Variants in GRHL1 observed in about 807,000 individuals in gnomAD.
GRHL1 encodes the protein grainyhead like transcription factor 1.
GRHL1 carries 38 observed loss-of-function variants against 75.7 expected under a neutral mutation model. The ratio of observed to expected loss-of-function variants is 0.50; its 90% CI spans 0.39 to 0.66. The LOEUF (loss-of-function observed/expected upper bound fraction) is 0.66, where lower values mean the gene tolerates loss of function less well. GRHL1 is among the 30% of genes least tolerant of loss of function. GRHL1 has a pLI of 0.00. For synonymous variants in GRHL1, 266 were observed against 279.4 expected (o/e 0.95, Z 0.48); for missense variants, 589 against 767.5 (o/e 0.77, Z 2.75).
At chr2:9,983,947 G>T (rs1377517993) in intron 8 of GRHL1, among the ~76,000 whole-genome samples, 1 of 151,930 alleles carries the variant, frequency 6.6e-6, no homozygotes, top group Admixed American at 6.6e-5. Context: ...ATGAGGTCAG[G>T]AGTTCGAGAC....
At position 9,961,112 on chromosome 2, in the gene GRHL1, G is replaced by A. The variant is rs1489814323; in HGVS notation, c.345G>A (p.Leu115=). ...CTGGAGAAAACAGAGTGCAAGTACT[G>A]AAAAATGTGCCATTTAACATTGTCC... ...ISAGENRVQV[L]KNVPFNIVLP... is the part of the protein sequence containing the mutation. Residue 115 remains leucine, a synonymous_variant, in exon 4 of 16, where the codon CTG becomes CTA. Coordinates refer to ENST00000324907, the MANE Select transcript of GRHL1 (RefSeq NM_198182.3). 6.3e-7 allele frequency: 1 copy of A among 1,585,072 alleles called. No homozygotes were observed. Among genetic ancestry groups the A allele is most frequent in the African/African-American group, 1.3e-5 (1 of 74,386 alleles).
intron 2 of GRHL1, among the ~76,000 whole-genome samples, 175 bp downstream of exon 2, chr2:9,955,276 A>G (rs544126050): frequency 5.9e-5 from 9 of 152,244 alleles, no homozygotes; most frequent in Non-Finnish European, 1.2e-4. Context: ...CTGTGATTGT[A>G]GAATCAAAGG....
intron 12 of GRHL1, 84 bp downstream of exon 12, chr2:9,993,328 A>G: frequency 4.5e-6 from 5 of 1,123,080 alleles, no homozygotes; most frequent in Non-Finnish European, 6.7e-6. Flanking sequence ...CAGTACAAAG[A>G]ACTCATTTTT....
At position 9,974,898 on chromosome 2, in the gene GRHL1, A is replaced by G. The variant is rs17364352; in HGVS notation, c.1110+9517A>G. Among the ~76,000 whole-genome samples the G allele has an allele frequency of 9.3e-3, 1,420 of 152,330 alleles. 7 individuals are homozygous for G. The highest frequency in any genetic ancestry group is 0.027 in the Middle Eastern group (8 of 294). ...GATTACACTGTGTATTCTGGTCCATATTGTAAGTGAGGGTAAAAACATGCT... is the reference window on the plus strand; with the variant it reads ...GATTACACTGTGTATTCTGGTCCATGTTGTAAGTGAGGGTAAAAACATGCT... On this transcript the variant is annotated intron_variant, in intron 8 of 15. Coordinates refer to ENST00000324907, the MANE Select transcript of GRHL1 (RefSeq NM_198182.3).
chr2:9,986,901 T>A (rs1668443342), intron 9 of GRHL1, among the ~76,000 whole-genome samples: 1 of 152,002 alleles, frequency 6.6e-6, no homozygotes, highest in African/African-American at 2.4e-5. Context: ...GAGATGGGGG[T>A]CCTGCCATGT....
intron 9 of GRHL1, among the ~76,000 whole-genome samples, chr2:9,989,802 G>A (rs983121596): frequency 3.9e-5 from 6 of 152,096 alleles, no homozygotes; most frequent in Non-Finnish European, 5.9e-5. Flanking sequence ...CACCCACCTC[G>A]GCCTCCCAAA....
intron 14 of GRHL1, among the ~76,000 whole-genome samples, chr2:9,998,447 T>TATATATATACATATATATAC (rs1668977892): frequency 3.9e-5 from 2 of 50,918 alleles, no homozygotes; most frequent in Non-Finnish European, 4.0e-5. Flanking sequence ...TGTGTGTGTG[T>TATATATATACATATATATAC]GTATATATAT....
Position 9,968,252 on chromosome 2 carries a change from A to C in GRHL1, c.1110+2871A>C, listed in dbSNP as rs1033192567. Among the ~76,000 whole-genome samples the C allele has an allele frequency of 1.4e-4, 21 of 152,368 alleles. No individual in the cohort carries two copies. Among genetic ancestry groups the C allele is most frequent in the African/African-American group, 5.0e-4 (21 of 41,592 alleles). On this transcript the variant is annotated intron_variant, in intron 8 of 15. Transcript: ENST00000324907. The surrounding 1 kb of genome is among the most constrained non-coding windows in gnomAD (Gnocchi z 4.7). ...GTGTGCACTCCATTCATCACCATAA[A>C]CATATGTCTGCCATTGTCATGGAAA...
chr2:9,978,032 A>G (rs1668023534), intron 8 of GRHL1, among the ~76,000 whole-genome samples: 1 of 152,204 alleles, frequency 6.6e-6, no homozygotes. Context: ...TTATAAAACC[A>G]TCAGATCTCA....
chr2:9,971,607 A>G (rs900687986), intron 8 of GRHL1, among the ~76,000 whole-genome samples: 1 of 152,142 alleles, frequency 6.6e-6, no homozygotes, highest in Non-Finnish European at 1.5e-5. Context: ...GATCCCAGGG[A>G]TTTTTTCTTA....
intron 1 of GRHL1, among the ~76,000 whole-genome samples, chr2:9,952,633 G>A (rs1382904347): frequency 1.3e-5 from 2 of 152,200 alleles, no homozygotes; most frequent in African/African-American, 2.4e-5. Context: ...AGGCATGGGG[G>A]ATTAACTGGG....
At chr2:9,994,268 C>A (rs1668760034) in intron 12 of GRHL1, among the ~76,000 whole-genome samples, 1 of 151,808 alleles carries the variant, frequency 6.6e-6, no homozygotes, top group African/African-American at 2.4e-5. Context: ...CCTCAGACTC[C>A]TGAGTAGGTG....
chr2:9,999,774 CAA>C (rs984722299), intron 15 of GRHL1, among the ~76,000 whole-genome samples: 5 of 152,188 alleles, frequency 3.3e-5, no homozygotes, highest in African/African-American at 1.2e-4. Context: ...AGTTTTAAAA[CAA>C]ATTCTAATGG....
chr2:10,001,702 A>G lies in GRHL1; in HGVS notation c.*995A>G, dbSNP rs1012580281. 1.3e-5 allele frequency: 2 copies of G among 152,244 alleles called. No individual in the cohort carries two copies. Among genetic ancestry groups the G allele is most frequent in the Non-Finnish European group, 2.9e-5 (2 of 68,034 alleles). The allele number at this position is 152,244 out of a possible 1,614,324, so 9.4% of individuals were successfully genotyped here. Reference sequence around the variant, plus strand: ...CACTGTTTAACAAATGAAGTAAAAGAAAAACACTACTGCAATCACGTCTTT... The same window carrying G: ...CACTGTTTAACAAATGAAGTAAAAGGAAAACACTACTGCAATCACGTCTTT... On this transcript the variant is annotated 3_prime_UTR_variant, in exon 16 of 16. Transcript: ENST00000324907.
At chr2:9,998,272 C>T (rs1180449428) in intron 14 of GRHL1, among the ~76,000 whole-genome samples, 1 of 151,386 alleles carries the variant, frequency 6.6e-6, no homozygotes, top group Admixed American at 6.6e-5. Flanking sequence ...GCCTCTATGT[C>T]CCGAAAGGAA....
intron 12 of GRHL1, among the ~76,000 whole-genome samples, chr2:9,995,036 G>A (rs898577455): frequency 2.0e-5 from 3 of 152,124 alleles, no homozygotes; most frequent in Non-Finnish European, 2.9e-5. Flanking sequence ...ACCACACTCA[G>A]TCTCACAGAC....
At chr2:9,952,032 T>C (rs1324905657) in intron 1 of GRHL1, among the ~76,000 whole-genome samples, 179 bp downstream of exon 1, 1 of 151,746 alleles carries the variant, frequency 6.6e-6, no homozygotes, top group East Asian at 1.9e-4. Context: ...TGCCGTGCTC[T>C]TTGTTCGGTC....
intron 10 of GRHL1, 113 bp from the exon 11 acceptor site, chr2:9,991,894 G>A (rs913639100): frequency 2.7e-6 from 2 of 735,540 alleles, no homozygotes. Flanking sequence ...GTATCTTACA[G>A]AGTGCTACAC....
intron 8 of GRHL1, among the ~76,000 whole-genome samples, chr2:9,980,861 A>T (rs894537182): frequency 1.3e-5 from 2 of 152,162 alleles, no homozygotes; most frequent in African/African-American, 2.4e-5. Flanking sequence ...ATGTGTGCTC[A>T]TTCATCTTAC....
Sources: gnomAD v4.1 joint callset for allele counts (sites outside exome capture counted in the v4.1 genomes callset) on GRCh38, gnomAD v4.1.1 for gene constraint, Gnocchi (gnomAD v3.1) non-coding constraint, MANE v1.5 for transcripts, NCBI Gene and HGNC (gene_info 2026-07-23, HGNC 2026-07-21) for gene names.